DISC1: variants seen among roughly 807,000 people sequenced by gnomAD.
The protein encoded by DISC1 is DISC1 scaffold protein, also known as disrupted in schizophrenia 1 protein.
In DISC1, 57 loss-of-function variants were observed where a neutral mutation model predicts 84.5. That is an observed-to-expected ratio of 0.67 (90% confidence interval 0.55 to 0.84). The LOEUF (loss-of-function observed/expected upper bound fraction) is 0.84. DISC1 is among the 40% of genes least tolerant of loss of function. The pLI, the probability that DISC1 is intolerant of heterozygous loss-of-function variation, is 0.00. For missense variants in DISC1, 1,000 were observed against 1,057.8 expected, an observed-to-expected ratio of 0.95 and a Z score of 0.76; for synonymous variants, 411 against 415.2, an observed-to-expected ratio of 0.99 and a Z score of 0.12.
chr1:231,627,533 G>A (rs188832301), intron 1 of DISC1, among the ~76,000 whole-genome samples: 2 of 152,376 alleles, frequency 1.3e-5, no homozygotes, highest in African/African-American at 4.8e-5. Context: ...AACGGGGATG[G>A]CCCAAGCCGG....
chr1:232,022,514 G>A (rs796901527), intron 11 of DISC1, among the ~76,000 whole-genome samples: 14 of 152,076 alleles, frequency 9.2e-5, no homozygotes, highest in African/African-American at 3.1e-4. Context: ...TACCATGTTG[G>A]CCAGGATGGT....
chr1:231,785,431 C>T (rs1219882795), intron 6 of DISC1, among the ~76,000 whole-genome samples: 6 of 151,880 alleles, frequency 4.0e-5, no homozygotes, highest in African/African-American at 1.5e-4. Context: ...AGACACATGC[C>T]ACCATACTTG....
intron 9 of DISC1, among the ~76,000 whole-genome samples, chr1:231,866,210 G>A (rs979055405): frequency 1.3e-5 from 2 of 152,050 alleles, no homozygotes; most frequent in Non-Finnish European, 2.9e-5. Flanking sequence ...CTTCCTATGG[G>A]AGCTGTTCTC....
intron 9 of DISC1, among the ~76,000 whole-genome samples, chr1:231,912,841 TTTC>T (rs1001558218): frequency 5.9e-5 from 9 of 151,666 alleles, no homozygotes; most frequent in Non-Finnish European, 1.2e-4. Flanking sequence ...TCTTCTTCTT[TTTC>T]TTCTTCTCCT....
At chr1:231,997,062 A>C (rs533690805) in intron 10 of DISC1, among the ~76,000 whole-genome samples, 52 of 152,108 alleles carry the variant, frequency 3.4e-4, no homozygotes, top group Non-Finnish European at 4.1e-4. Flanking sequence ...AGCTTGATGA[A>C]ATTATTATGT....
chr1:231,992,900 C>T (rs1238242624), intron 10 of DISC1, among the ~76,000 whole-genome samples: 1 of 152,128 alleles, frequency 6.6e-6, no homozygotes, highest in Non-Finnish European at 1.5e-5. Flanking sequence ...CTATAGGCTT[C>T]ATAGGGTTTT....
chr1:231,732,644 G>C (rs2071673623), intron 3 of DISC1, among the ~76,000 whole-genome samples: 1 of 152,074 alleles, frequency 6.6e-6, no homozygotes, highest in Non-Finnish European at 1.5e-5. Context: ...TTTGTCTTTT[G>C]CTATTTCCGT....
At chr1:231,781,492 G>A (rs1002752506) in intron 6 of DISC1, among the ~76,000 whole-genome samples, 7 of 152,144 alleles carry the variant, frequency 4.6e-5, no homozygotes, top group African/African-American at 1.7e-4. Flanking sequence ...TCAAAGATGA[G>A]AGATAGTCAT....
At chr1:231,634,208 G>C (rs1328980769) in intron 1 of DISC1, among the ~76,000 whole-genome samples, 1 of 152,050 alleles carries the variant, frequency 6.6e-6, no homozygotes, top group African/African-American at 2.4e-5. Context: ...CTTGGTTTGT[G>C]AGTGGATTGA....
At chr1:231,929,576 C>T (rs2090536681) in intron 9 of DISC1, among the ~76,000 whole-genome samples, 1 of 152,192 alleles carries the variant, frequency 6.6e-6, no homozygotes, top group Non-Finnish European at 1.5e-5. Context: ...CAAGCCTGCT[C>T]TTTAAATATG....
chr1:231,808,233 G>A (rs1180831995), intron 8 of DISC1, among the ~76,000 whole-genome samples: 3 of 152,212 alleles, frequency 2.0e-5, no homozygotes, highest in Non-Finnish European at 4.4e-5. Flanking sequence ...CAGTTTCCAG[G>A]TGGTTTTAAT....
chr1:231,703,636 C>T (rs111438582), intron 3 of DISC1, among the ~76,000 whole-genome samples: 1 of 152,188 alleles, frequency 6.6e-6, no homozygotes, highest in Admixed American at 6.5e-5. Flanking sequence ...AGACTTGGTT[C>T]TCTCAATGGC....
At chr1:232,025,597 CTT>C (rs35161490) in intron 11 of DISC1, among the ~76,000 whole-genome samples, 69 of 132,472 alleles carry the variant, frequency 5.2e-4, no homozygotes, top group Admixed American at 1.0e-3. Context: ...TCATCCTGCT[CTT>C]TTTTTTTTTT....
rs189237810 is a variant in DISC1 at position 231,631,456 on chromosome 1, T to G, written c.67+4522T>G. Among the ~76,000 whole-genome samples, 302 of 152,264 alleles carry G rather than the reference T, an allele frequency of 2.0e-3. 1 individual carries two copies. The highest frequency in any genetic ancestry group is 3.7e-3 in the Non-Finnish European group (250 of 68,016). ...AGGAGGTATCAGAAGAAGGCATTGT[T>G]GTCATAGGAGATGATGGCTCCATGC... On this transcript the variant is annotated intron_variant, in intron 1 of 12. Transcript: ENST00000439617.
At chr1:231,935,866 C>T (rs548493385) in intron 9 of DISC1, among the ~76,000 whole-genome samples, 2 of 152,338 alleles carry the variant, frequency 1.3e-5, no homozygotes, top group Admixed American at 1.3e-4. Flanking sequence ...ACATAGAGTG[C>T]ACCTGGTTGA....
chr1:231,883,273 C>T (rs930858762), intron 9 of DISC1, among the ~76,000 whole-genome samples: 2 of 152,078 alleles, frequency 1.3e-5, no homozygotes, highest in African/African-American at 4.8e-5. Context: ...CTAATAAGTA[C>T]CTAGAAATGT....
rs1057234725 is a variant in DISC1, at chr1:231,693,680, T to C, written c.68-146T>C. The C allele has an allele frequency of 6.7e-6, 8 of 1,186,414 alleles. No homozygotes were observed. In the African/African-American group the frequency reaches 7.5e-5, roughly 11 times the overall value. The allele number at this position is 1,186,414 out of a possible 1,614,324, so 73.5% of individuals were successfully genotyped here. On this transcript the variant is annotated intron_variant, in intron 1 of 12. Coordinates refer to ENST00000439617, the MANE Select transcript of DISC1 (RefSeq NM_018662.3). ...GATTGTCAGGATTTACATAATGGAT[T>C]GGCCCTGGGACCACTGAGCCAGCAT...
At chr1:231,728,755 G>A (rs1337170828) in intron 3 of DISC1, among the ~76,000 whole-genome samples, 4 of 152,162 alleles carry the variant, frequency 2.6e-5, no homozygotes, top group African/African-American at 7.2e-5. Flanking sequence ...TGGCATCTGA[G>A]GAGTTTGAGA....
intron 9 of DISC1, among the ~76,000 whole-genome samples, chr1:231,906,479 C>T (rs899458571): frequency 6.6e-6 from 1 of 152,044 alleles, no homozygotes; most frequent in Non-Finnish European, 1.5e-5. Flanking sequence ...GCTTTATGCA[C>T]GAGGGATATG....
Sources: gnomAD v4.1 joint callset for allele counts (sites outside exome capture counted in the v4.1 genomes callset) on GRCh38, gnomAD v4.1.1 for gene constraint, MANE v1.5 for transcripts, NCBI Gene and HGNC (gene_info 2026-07-23, HGNC 2026-07-21) for gene names.